The following PARN variants were observed in gnomAD, a reference collection of about 807,000 sequenced individuals.
The protein encoded by PARN is poly(A)-specific ribonuclease PARN.
Under a neutral mutation model 102.8 loss-of-function variants are expected in PARN, and 71 were observed. That is an observed-to-expected ratio of 0.69 (90% CI 0.57 to 0.84). The LOEUF is 0.84. Ranked by LOEUF, PARN falls within the 40% of genes least tolerant of loss-of-function variation. The probability of loss-of-function intolerance (pLI) is 0.00; values close to 1 mark genes in which losing one functional copy is unlikely to be tolerated. For synonymous variants in PARN, 261 were observed against 252.9 expected, an observed-to-expected ratio of 1.03 and a Z score of -0.30; for missense variants, 782 against 760.9, an observed-to-expected ratio of 1.03 and a Z score of -0.33.
chr16:14,494,307 T>A (rs527393482), intron 21 of PARN, among the ~76,000 whole-genome samples: 1 of 152,192 alleles, frequency 6.6e-6, no homozygotes, highest in East Asian at 1.9e-4. Context: ...GAGAGTGAAA[T>A]CAGAGAGACA....
At chr16:14,484,254 T>C (rs1336654444) in intron 21 of PARN, among the ~76,000 whole-genome samples, 13 of 152,230 alleles carry the variant, frequency 8.5e-5, no homozygotes, top group Non-Finnish European at 1.5e-5. Flanking sequence ...GATCCCATGC[T>C]GCCCCCTCTT....
intron 21 of PARN, among the ~76,000 whole-genome samples, chr16:14,519,116 GA>G (rs199611933): frequency 0.01 from 1,526 of 151,958 alleles, 38 homozygotes; most frequent in African/African-American, 0.035. Flanking sequence ...CAGTGTCATT[GA>G]GAACCAGGAT....
chr16:14,581,951 T>C (rs1388701057), intron 17 of PARN, among the ~76,000 whole-genome samples: 2 of 152,198 alleles, frequency 1.3e-5, no homozygotes, highest in Non-Finnish European at 2.9e-5. Flanking sequence ...CTCCACCACG[T>C]AAGGACAGGA....
intron 18 of PARN, among the ~76,000 whole-genome samples, chr16:14,560,676 C>T (rs1172934166): frequency 6.6e-6 from 1 of 152,164 alleles, no homozygotes; most frequent in African/African-American, 2.4e-5. Flanking sequence ...GGAAAGACTC[C>T]AGGGTAAAGC....
chr16:14,610,330 G>A (rs943455252), intron 7 of PARN, among the ~76,000 whole-genome samples: 9 of 151,950 alleles, frequency 5.9e-5, no homozygotes, highest in African/African-American at 1.7e-4. Context: ...AAAATTAGGC[G>A]GGTGTGGTGG....
chr16:14,458,165 A>T (rs984283729), intron 22 of PARN, among the ~76,000 whole-genome samples: 4 of 152,204 alleles, frequency 2.6e-5, no homozygotes, highest in African/African-American at 9.7e-5. Flanking sequence ...ATTGATGCAA[A>T]CATGAAAGAT....
At chr16:14,512,400 C>T (rs565777063) in intron 21 of PARN, among the ~76,000 whole-genome samples, 2 of 151,950 alleles carry the variant, frequency 1.3e-5, no homozygotes, top group East Asian at 3.9e-4. Context: ...GGCTGAGGCA[C>T]GAGAATTGTT....
chr16:14,467,288 C>A (rs1347956921), intron 22 of PARN, among the ~76,000 whole-genome samples: 1 of 152,186 alleles, frequency 6.6e-6, no homozygotes, highest in East Asian at 1.9e-4. Context: ...ACCTGATAGG[C>A]TGCTCATCAC....
At chr16:14,606,426 C>A (rs1199772049) in intron 10 of PARN, 58 bp downstream of exon 10, 3 of 942,836 alleles carry the variant, frequency 3.2e-6, no homozygotes, top group African/African-American at 1.7e-5. Context: ...AAAAGAAACC[C>A]CTAACAGTGT....
At chr16:14,494,393 T>C (rs1348592833) in intron 21 of PARN, among the ~76,000 whole-genome samples, 3 of 152,168 alleles carry the variant, frequency 2.0e-5, no homozygotes, top group Admixed American at 6.5e-5. Flanking sequence ...GAGCTTGCTC[T>C]GGAGTTTCCC....
chr16:14,541,911 A>G (rs192179890), intron 21 of PARN, among the ~76,000 whole-genome samples: 1 of 152,236 alleles, frequency 6.6e-6, no homozygotes, highest in Non-Finnish European at 1.5e-5. Flanking sequence ...TACTCAATAT[A>G]CAAAGAACCA....
chr16:14,534,715 C>T (rs1327465641), intron 21 of PARN, among the ~76,000 whole-genome samples: 1 of 152,060 alleles, frequency 6.6e-6, no homozygotes, highest in East Asian at 1.9e-4. Flanking sequence ...GCCTCTGATG[C>T]AATTTGAAAA....
At chr16:14,501,632 G>C (rs185503492) in intron 21 of PARN, 42 of 152,022 alleles carry the variant, frequency 2.8e-4, no homozygotes, top group African/African-American at 7.7e-4. Context: ...CCAACCCTCA[G>C]GTTACCAGGC....
chr16:14,494,856 C>T (rs1325310020), intron 21 of PARN, among the ~76,000 whole-genome samples: 1 of 152,112 alleles, frequency 6.6e-6, no homozygotes, highest in East Asian at 1.9e-4. Flanking sequence ...CTGGGCAGTG[C>T]AGGGTTGTGC....
At chr16:14,477,424 A>G (rs1963121990) in intron 22 of PARN, among the ~76,000 whole-genome samples, 1 of 148,870 alleles carries the variant, frequency 6.7e-6, no homozygotes, top group South Asian at 2.1e-4. Flanking sequence ...CTGGCAACAG[A>G]GCGAGAGTTC....
rs1965770482 is a variant in PARN, at chr16:14,522,129, G to GTATTA, written c.1480+29887_1480+29891dup. Among the ~76,000 whole-genome samples, 7 of 152,164 alleles carry GTATTA rather than the reference G, an allele frequency of 4.6e-5. No individual in the cohort carries two copies. In the South Asian group the frequency reaches 1.4e-3, roughly 32 times the overall value. ...GGCCCCTGTTACTAAGCTTATGACT[G>GTATTA]TATTACTAAGGAGCTAAGTCAAAGG... On this transcript the variant is annotated intron_variant, in intron 21 of 23. Transcript: ENST00000437198.
At chr16:14,514,430 C>T (rs896776357) in intron 21 of PARN, among the ~76,000 whole-genome samples, 20 of 152,122 alleles carry the variant, frequency 1.3e-4, no homozygotes, top group African/African-American at 4.8e-4. Context: ...TCATGATCCA[C>T]CCGCCTCAGC....
chr16:14,450,515 T>C (rs1240133665), intron 22 of PARN, among the ~76,000 whole-genome samples: 1 of 152,114 alleles, frequency 6.6e-6, no homozygotes, highest in Non-Finnish European at 1.5e-5. Flanking sequence ...TTCATATTTA[T>C]GTATACACAC....
At chr16:14,628,595 G>A (rs1275378843) in intron 2 of PARN, among the ~76,000 whole-genome samples, 1 of 152,174 alleles carries the variant, frequency 6.6e-6, no homozygotes, top group Non-Finnish European at 1.5e-5. Context: ...AAATCCCTAA[G>A]TATATTATTG....
Sources: gnomAD v4.1 joint callset for allele counts (sites outside exome capture counted in the v4.1 genomes callset) on GRCh38, gnomAD v4.1.1 for gene constraint, MANE v1.5 for transcripts, NCBI Gene and HGNC (gene_info 2026-07-23, HGNC 2026-07-21) for gene names.